TMEM243: variants seen among roughly 807,000 people sequenced by gnomAD.
The protein encoded by TMEM243 is transmembrane protein 243.
TMEM243 carries 20 observed loss-of-function variants against 15.0 expected under a neutral mutation model. That is an observed-to-expected ratio of 1.33 (90% confidence interval 0.94 to 1.93). The LOEUF is 1.93. TMEM243 is among the 30% of genes most tolerant of loss of function. The probability of loss-of-function intolerance (pLI) is 0.00; values close to 1 mark genes in which losing one functional copy is unlikely to be tolerated. For synonymous variants in TMEM243, 72 were observed against 52.7 expected (o/e 1.37, Z -1.59); for missense variants, 156 against 142.1 (o/e 1.10, Z -0.50).
rs551284069 is a variant in TMEM243 at position 87,213,554 on chromosome 7, G to A, written c.78+5872C>T. The stretch of plus-strand genomic sequence containing the variant: ...GGAAGGGGCTGCTGGCACAGACCCA[G>A]CTATCTTAATCATAGCTTTATTCTT... On this transcript the variant is annotated intron_variant, in intron 1 of 3. Transcript: ENST00000257637. Among the ~76,000 whole-genome samples, 229 of 152,310 alleles carry A rather than the reference G, an allele frequency of 1.5e-3. 1 individual carries two copies. The highest frequency in any genetic ancestry group is 5.2e-3 in the African/African-American group (215 of 41,566).
At chr7:87,215,639 T>C (rs1419490123) in intron 1 of TMEM243, among the ~76,000 whole-genome samples, 3 of 152,142 alleles carry the variant, frequency 2.0e-5, no homozygotes, top group African/African-American at 7.2e-5. Flanking sequence ...TTTCTTATCA[T>C]CTTGGTATCT....
chr7:87,214,863 T>C (rs1802994262), intron 1 of TMEM243, among the ~76,000 whole-genome samples: 1 of 152,226 alleles, frequency 6.6e-6, no homozygotes, highest in Non-Finnish European at 1.5e-5. Context: ...ACAAAATTTG[T>C]TTCATATACA....
chr7:87,201,272 T>TG (rs1801788366), intron 1 of TMEM243, among the ~76,000 whole-genome samples: 1 of 152,236 alleles, frequency 6.6e-6, no homozygotes, highest in Non-Finnish European at 1.5e-5. Context: ...TAATGCTCTC[T>TG]GTTTTAAACT....
intron 1 of TMEM243, among the ~76,000 whole-genome samples, chr7:87,213,809 T>C (rs968240551): frequency 9.9e-5 from 15 of 151,362 alleles, no homozygotes; most frequent in Non-Finnish European, 1.5e-4. Flanking sequence ...GGGATGGGGA[T>C]AAAGGAAGAT....
chr7:87,208,066 G>C (rs948552493), intron 1 of TMEM243, among the ~76,000 whole-genome samples: 1 of 152,176 alleles, frequency 6.6e-6, no homozygotes, highest in Admixed American at 6.5e-5. Flanking sequence ...TTCAGGAGGA[G>C]ATTTGGGTAG....
intron 1 of TMEM243, among the ~76,000 whole-genome samples, chr7:87,217,561 AG>A (rs769320721): frequency 7.9e-5 from 12 of 152,186 alleles, no homozygotes; most frequent in Non-Finnish European, 1.6e-4. Context: ...ACCTCAGACC[AG>A]GGGTCTCTCT....
chr7:87,205,165 T>C (rs1229933425), intron 1 of TMEM243, among the ~76,000 whole-genome samples: 3 of 152,198 alleles, frequency 2.0e-5, no homozygotes, highest in South Asian at 4.1e-4. Context: ...GAGGGGGGCC[T>C]GGGCCCAGCC....
At chr7:87,197,343 C>T (rs1411764243) in intron 3 of TMEM243, among the ~76,000 whole-genome samples, 2 of 151,994 alleles carry the variant, frequency 1.3e-5, no homozygotes, top group African/African-American at 4.8e-5. Context: ...TTGATTCTGC[C>T]TCTAAAGGAA....
At position 87,219,583 on chromosome 7, in the gene TMEM243, A is replaced by G. The variant is rs1336916413; in HGVS notation, c.-80T>C. On this transcript the variant is annotated 5_prime_UTR_variant, in exon 1 of 4. Coordinates refer to ENST00000257637, the MANE Select transcript of TMEM243 (RefSeq NM_024315.4). ...CCGAGGTCTCAGGTCCACGACTGCA[A>G]GCCTCCTCCTCACGGCTCCCGCATA... The G allele has an allele frequency of 7.0e-6, 9 of 1,292,422 alleles. No homozygotes were observed. The African/African-American group carries it at 8.8e-5, about 13-fold the overall frequency. The allele number at this position is 1,292,422 out of a possible 1,614,324, so 80.1% of individuals were successfully genotyped here. A position where few individuals can be genotyped will look rare whatever the true frequency, so the allele number is the denominator to read the frequency against.
intron 3 of TMEM243, among the ~76,000 whole-genome samples, chr7:87,197,133 T>C (rs969669150): frequency 6.6e-6 from 1 of 152,060 alleles, no homozygotes; most frequent in African/African-American, 2.4e-5. Flanking sequence ...CCATAATATA[T>C]TTGGATTAAA....
chr7:87,218,550 T>C (rs963164657), intron 1 of TMEM243: 4 of 151,928 alleles, frequency 2.6e-5, no homozygotes, highest in Non-Finnish European at 4.4e-5. Flanking sequence ...CTTTGGAGAG[T>C]TGAAAGCACT....
At chr7:87,196,904 A>G in intron 3 of TMEM243, 146 bp from the exon 4 acceptor site, 1 of 591,766 alleles carries the variant, frequency 1.7e-6, no homozygotes, top group Non-Finnish European at 2.9e-6. Flanking sequence ...TGAGATCAGT[A>G]CAGCCAGAAT....
intron 2 of TMEM243, 49 bp downstream of exon 2, chr7:87,198,958 T>G (rs755669019): frequency 6.7e-7 from 1 of 1,492,666 alleles, no homozygotes. Context: ...TGATAAAGTT[T>G]TCAAAACTGG....
At chr7:87,197,354 C>T (rs1212087622) in intron 3 of TMEM243, among the ~76,000 whole-genome samples, 6 of 152,008 alleles carry the variant, frequency 3.9e-5, no homozygotes. Context: ...TCTAAAGGAA[C>T]ATGAAACAAT....
chr7:87,201,767 CAG>C (rs1471591434), intron 1 of TMEM243, among the ~76,000 whole-genome samples: 1 of 152,172 alleles, frequency 6.6e-6, no homozygotes, highest in African/African-American at 2.4e-5. Context: ...TTATTTCTCA[CAG>C]AAACTAGCTC....
intron 1 of TMEM243, among the ~76,000 whole-genome samples, chr7:87,200,489 T>G (rs1260171230): frequency 6.6e-6 from 1 of 152,178 alleles, no homozygotes; most frequent in South Asian, 2.1e-4. Context: ...TGCTGCTCTC[T>G]GAGCGCCAGG....
intron 1 of TMEM243, chr7:87,202,853 C>A (rs1351632354): frequency 6.6e-6 from 1 of 152,206 alleles, no homozygotes; most frequent in Non-Finnish European, 1.5e-5. Context: ...CTAAATGATA[C>A]CTGGTCCCTT....
chr7:87,209,750 C>CAGTG (rs1222131365), intron 1 of TMEM243, among the ~76,000 whole-genome samples: 111 of 25,758 alleles, frequency 4.3e-3, no homozygotes, highest in Non-Finnish European at 5.1e-3. Context: ...GAGCGAGACA[C>CAGTG]AGAGCGAGAC....
Position 87,209,910 on chromosome 7 carries a change from CAGAG to C in TMEM243, c.78+9512_78+9515del, listed in dbSNP as rs367685559. ...TGAGAGACAGTGAGAGAGTGAGAGA[CAGAG>C]AGAGAGGACAGTGAGAGAGAAACAG... On this transcript the variant is annotated intron_variant, in intron 1 of 3. Transcript: ENST00000257637. Among the ~76,000 whole-genome samples the C allele has an allele frequency of 4.4e-3, 562 of 126,320 alleles. 3 individuals are homozygous for C. The highest frequency in any genetic ancestry group is 0.015 in the African/African-American group (477 of 31,612). 82.9% of individuals were successfully genotyped at this position (126,320 alleles called of 152,430 possible). A position where few individuals can be genotyped will look rare whatever the true frequency, so the allele number is the denominator to read the frequency against.
Sources: gnomAD v4.1 joint callset for allele counts (sites outside exome capture counted in the v4.1 genomes callset) on GRCh38, gnomAD v4.1.1 for gene constraint, MANE v1.5 for transcripts, NCBI Gene and HGNC (gene_info 2026-07-23, HGNC 2026-07-21) for gene names.